ARHGAP32: variants seen among roughly 807,000 people sequenced by gnomAD.
The protein encoded by ARHGAP32 is rho GTPase-activating protein 32.
A neutral mutation model predicts 186.5 loss-of-function variants in ARHGAP32; 51 were observed. The ratio of observed to expected loss-of-function variants is 0.27; its 90% CI spans 0.22 to 0.35. ARHGAP32 has a LOEUF of 0.35. ARHGAP32 is among the 10% of genes least tolerant of loss of function. The probability of loss-of-function intolerance (pLI) is 1.00; values close to 1 mark genes in which losing one functional copy is unlikely to be tolerated. For synonymous variants in ARHGAP32, 950 were observed against 964.3 expected, an observed-to-expected ratio of 0.99 and a Z score of 0.27; for missense variants, 2,186 against 2,623.5, an observed-to-expected ratio of 0.83 and a Z score of 3.64.
intron 2 of ARHGAP32, among the ~76,000 whole-genome samples, chr11:129,132,383 G>A (rs1942831988): frequency 6.6e-6 from 1 of 152,076 alleles, no homozygotes; most frequent in Non-Finnish European, 1.5e-5. Flanking sequence ...AGTGGGCTGA[G>A]GTGGGAGAAT....
At chr11:129,021,688 CT>C in intron 11 of ARHGAP32, among the ~76,000 whole-genome samples, 1 of 152,026 alleles carries the variant, frequency 6.6e-6, no homozygotes, top group East Asian at 1.9e-4. Context: ...CACCTTTTTC[CT>C]GCTAAAAGTG....
At chr11:129,178,978 A>G (rs916355064) in intron 1 of ARHGAP32, among the ~76,000 whole-genome samples, 1 of 152,158 alleles carries the variant, frequency 6.6e-6, no homozygotes, top group East Asian at 1.9e-4. Flanking sequence ...CTGCACAGCA[A>G]AAGAAACTAC....
At chr11:129,174,498 CA>C (rs1287534300) in intron 1 of ARHGAP32, among the ~76,000 whole-genome samples, 2 of 152,168 alleles carry the variant, frequency 1.3e-5, no homozygotes, top group Non-Finnish European at 2.9e-5. Flanking sequence ...AGGGCACAGA[CA>C]AATAAAAAGA....
intron 5 of ARHGAP32, among the ~76,000 whole-genome samples, chr11:129,115,466 A>G (rs1196403071): frequency 6.6e-6 from 1 of 152,118 alleles, no homozygotes; most frequent in East Asian, 1.9e-4. Flanking sequence ...TTCTCAGCTG[A>G]GTATCTGATA....
At chr11:129,205,508 T>C (rs1441474045) in intron 1 of ARHGAP32, among the ~76,000 whole-genome samples, 1 of 152,102 alleles carries the variant, frequency 6.6e-6, no homozygotes, top group East Asian at 1.9e-4. Flanking sequence ...CTCAGACAAT[T>C]CAAATTCCTT....
chr11:128,973,800 A>T, intron 21 of ARHGAP32: 1 of 510,128 alleles, frequency 2.0e-6, no homozygotes, highest in Non-Finnish European at 3.4e-6. Flanking sequence ...GTTAACTTGG[A>T]AGGCTACAAT....
At chr11:129,109,061 A>T (rs1204437563) in intron 5 of ARHGAP32, among the ~76,000 whole-genome samples, 3 of 152,060 alleles carry the variant, frequency 2.0e-5, no homozygotes, top group East Asian at 1.9e-4. Context: ...AAACTTCTTC[A>T]TCATGTTGCC....
chr11:129,049,531 C>T (rs1939951403), intron 10 of ARHGAP32, among the ~76,000 whole-genome samples: 1 of 152,130 alleles, frequency 6.6e-6, no homozygotes, highest in South Asian at 2.1e-4. Context: ...TCCTTCCTTC[C>T]CCCTATCCTC....
At chr11:129,179,992 T>A (rs1422567354) in intron 1 of ARHGAP32, among the ~76,000 whole-genome samples, 1 of 152,030 alleles carries the variant, frequency 6.6e-6, no homozygotes, top group Non-Finnish European at 1.5e-5. Flanking sequence ...TTTGAAGACA[T>A]AACATGTAAA....
At chr11:128,990,784 A>C (rs927032551) in intron 12 of ARHGAP32, among the ~76,000 whole-genome samples, 9 of 152,306 alleles carry the variant, frequency 5.9e-5, no homozygotes, top group African/African-American at 1.2e-4. Flanking sequence ...TGGAATAATA[A>C]AATTTGGGGC....
intron 15 of ARHGAP32, among the ~76,000 whole-genome samples, chr11:128,985,224 G>C (rs1398152512): frequency 2.0e-5 from 3 of 152,072 alleles, no homozygotes; most frequent in Admixed American, 1.3e-4. Context: ...TGCCATGTTG[G>C]CCAGGCTGGT....
chr11:129,120,618 G>A (rs1942502884), intron 5 of ARHGAP32, among the ~76,000 whole-genome samples: 1 of 152,032 alleles, frequency 6.6e-6, no homozygotes, highest in Non-Finnish European at 1.5e-5. Context: ...AGAACTAAAA[G>A]CCAGAAAGTT....
At chr11:128,992,433 C>G (rs1946083374) in intron 12 of ARHGAP32, among the ~76,000 whole-genome samples, 1 of 151,668 alleles carries the variant, frequency 6.6e-6, no homozygotes, top group African/African-American at 2.4e-5. Flanking sequence ...ACATCACCAC[C>G]ACCACCACCA....
chr11:129,063,020 T>C (rs1050525615), intron 9 of ARHGAP32, among the ~76,000 whole-genome samples: 1 of 152,130 alleles, frequency 6.6e-6, no homozygotes, highest in African/African-American at 2.4e-5. Flanking sequence ...ACAATAGTTT[T>C]TAATAATATA....
chr11:129,161,340 A>G (rs1591661152), intron 2 of ARHGAP32, among the ~76,000 whole-genome samples: 1 of 152,316 alleles, frequency 6.6e-6, no homozygotes, highest in Non-Finnish European at 1.5e-5. Flanking sequence ...TCTCCACAGC[A>G]AAAGAAACTA....
chr11:128,996,466 T>C lies in ARHGAP32; in HGVS notation c.1195+1853A>G, dbSNP rs538407886. Among the ~76,000 whole-genome samples, 3 of 152,334 alleles carry C rather than the reference T, an allele frequency of 2.0e-5. No homozygotes were observed. The East Asian group carries it at 5.8e-4, about 29-fold the overall frequency. On this transcript the variant is annotated intron_variant, in intron 12 of 22. Coordinates refer to ENST00000682385, the MANE Select transcript of ARHGAP32 (RefSeq NM_001378024.1). ...ATATATTTAAGTCATCTCTTCATGT[T>C]TTTTGTTTAAATCTGAGAAAGCTAT...
At chr11:129,193,897 T>C (rs1375714177), upstream of ARHGAP32, among the ~76,000 whole-genome samples, 1 of 149,328 alleles carries the variant, frequency 6.7e-6, no homozygotes, top group Non-Finnish European at 1.5e-5. Flanking sequence ...ATTTATTTAA[T>C]ATATAAAAAG....
At position 128,969,580 on chromosome 11, in the gene ARHGAP32, C is replaced by T. The variant is rs1427066451; in HGVS notation, c.5633G>A (p.Ser1878Asn). The T allele has an allele frequency of 1.9e-6, 3 of 1,614,156 alleles. No individual in the cohort carries two copies. The highest frequency in any genetic ancestry group is 1.3e-5 in the African/African-American group (1 of 75,036). ...SLPQKQSSLR[S>N]RKLPDMGCSL... is the part of the protein sequence containing the mutation. ...GCAGCCCATGTCAGGAAGCTTCCTG[C>T]TCCTCAGGCTGCTCTGCTTCTGAGG... The change falls in exon 23 of 23, where the codon AGC becomes AAC. Residue 1878 changes from serine to asparagine, a missense_variant. Physicochemically the swap from Ser to Asn is conservative, Grantham distance 46. This residue lies in a region of ARHGAP32 where 1,502 missense variants were observed against 1,570.0 expected (regional missense o/e 0.96). Transcript: ENST00000682385. This position sits in a 1 kb window ranked among gnomAD's most constrained non-coding sequence, Gnocchi z 4.8.
intron 10 of ARHGAP32, among the ~76,000 whole-genome samples, chr11:129,060,618 A>G (rs1376762650): frequency 6.6e-6 from 1 of 152,164 alleles, no homozygotes; most frequent in African/African-American, 2.4e-5. Context: ...AAGAAATCAG[A>G]GCACAGATGG....
Sources: allele counts gnomAD v4.1 joint callset (sites outside exome capture counted in the v4.1 genomes callset), GRCh38; gene constraint gnomAD v4.1.1; regional missense constraint gnomAD v4.1.1; non-coding constraint Gnocchi (gnomAD v3.1); transcripts MANE v1.5; gene names NCBI Gene and HGNC (gene_info 2026-07-23, HGNC 2026-07-21).